The following ANKRD27 variants were observed in gnomAD, a reference collection of about 807,000 sequenced individuals.
ANKRD27 encodes ankyrin repeat domain-containing protein 27.
A neutral mutation model predicts 129.7 loss-of-function variants in ANKRD27; 112 were observed. The ratio of observed to expected loss-of-function variants is 0.86; its 90% CI spans 0.74 to 1.01. The LOEUF (loss-of-function observed/expected upper bound fraction) is 1.01. Among genes scored for constraint, ANKRD27 ranks in the 50% least tolerant of loss-of-function variants. The probability of loss-of-function intolerance (pLI) is 0.00; values close to 1 mark genes in which losing one functional copy is unlikely to be tolerated. For missense variants in ANKRD27, 1,258 were observed against 1,300.5 expected, an observed-to-expected ratio of 0.97 and a Z score of 0.50; for synonymous variants, 516 against 511.2, an observed-to-expected ratio of 1.01 and a Z score of -0.13.
At chr19:32,630,101 T>C (rs372184957) in intron 13 of ANKRD27, among the ~76,000 whole-genome samples, 11 of 152,192 alleles carry the variant, frequency 7.2e-5, no homozygotes, top group African/African-American at 2.6e-4. Context: ...TTATTATTTT[T>C]ATACTTGCTA....
intron 17 of ANKRD27, among the ~76,000 whole-genome samples, chr19:32,624,231 G>C (rs775031027): frequency 1.3e-5 from 2 of 152,132 alleles, no homozygotes; most frequent in Non-Finnish European, 1.5e-5. Context: ...GCTGGATGTG[G>C]TGGTATGTGT....
At chr19:32,639,606 C>A in intron 11 of ANKRD27, 118 bp from the exon 12 acceptor site, 2 of 1,024,340 alleles carry the variant, frequency 2.0e-6, no homozygotes, top group Non-Finnish European at 2.9e-6. Context: ...GCTCAGGAAG[C>A]TACGACCACC....
chr19:32,667,425 G>A lies in ANKRD27; in HGVS notation c.-31+7646C>T, dbSNP rs534773826. Among the ~76,000 whole-genome samples the A allele has an allele frequency of 2.0e-5, 3 of 152,094 alleles. No individual in the cohort carries two copies. In the East Asian group the frequency reaches 5.8e-4, roughly 29 times the overall value. On this transcript the variant is annotated intron_variant, in intron 1 of 28. Coordinates refer to ENST00000306065, the MANE Select transcript of ANKRD27 (RefSeq NM_032139.3). Reference sequence around the variant, plus strand: ...ATGGAGTCTCGCTGTGTTGCCCAGGGTGGTCTTGAACTCCTGGCTCAACAG... The same window carrying A: ...ATGGAGTCTCGCTGTGTTGCCCAGGATGGTCTTGAACTCCTGGCTCAACAG...
At chr19:32,619,214 G>A (rs543067200) in intron 20 of ANKRD27, 46 bp downstream of exon 20, 2 of 1,587,712 alleles carry the variant, frequency 1.3e-6, no homozygotes, top group Middle Eastern at 2.2e-4. Context: ...CACTGCCCAG[G>A]GCCGCCAAGG....
At chr19:32,654,716 G>C (rs1280859528) in intron 2 of ANKRD27, among the ~76,000 whole-genome samples, 1 of 152,068 alleles carries the variant, frequency 6.6e-6, no homozygotes, top group African/African-American at 2.4e-5. Flanking sequence ...CTGGAGTGCA[G>C]TGGCTATTTA....
chr19:32,658,398 C>T (rs1304234989), intron 2 of ANKRD27, among the ~76,000 whole-genome samples: 2 of 151,780 alleles, frequency 1.3e-5, no homozygotes, highest in South Asian at 2.1e-4. Context: ...CCTGGCTGCC[C>T]CTGAAGGCTT....
At chr19:32,610,599 A>C (rs8105575) in intron 22 of ANKRD27, among the ~76,000 whole-genome samples, 88,154 of 151,110 alleles carry the variant, frequency 0.58, 26,797 homozygotes, top group Non-Finnish European at 0.69. Flanking sequence ...TGAGACCAGC[A>C]TGGCCAATAT....
At chr19:32,625,433 CTCTT>C (rs1382484514) in intron 17 of ANKRD27, among the ~76,000 whole-genome samples, 2 of 120,912 alleles carry the variant, frequency 1.7e-5, no homozygotes, top group Admixed American at 8.7e-5. Context: ...ATTAAACATT[CTCTT>C]TTTTTTTTTT....
At chr19:32,654,708 G>A (rs544709899) in intron 2 of ANKRD27, among the ~76,000 whole-genome samples, 56 of 152,264 alleles carry the variant, frequency 3.7e-4, no homozygotes, top group African/African-American at 1.3e-3. Flanking sequence ...TGCCCAGGCT[G>A]GAGTGCAGTG....
intron 22 of ANKRD27, among the ~76,000 whole-genome samples, chr19:32,611,094 T>C (rs560712721): frequency 2.6e-5 from 4 of 152,332 alleles, no homozygotes; most frequent in East Asian, 3.9e-4. Context: ...GTGTGTCTTT[T>C]TGAGAAATCA....
Position 32,643,693 on chromosome 19 carries a change from G to A in ANKRD27, c.526-62C>T, listed in dbSNP as rs374784021. On this transcript the variant is annotated intron_variant, in intron 5 of 28. Coordinates refer to ENST00000306065, the MANE Select transcript of ANKRD27 (RefSeq NM_032139.3). Reference sequence around the variant, plus strand: ...CCAGCAAGGCCATGACGGGGGAGCCGGAGCGGGTAAGGCGCACAGAGCTTC... The same window carrying A: ...CCAGCAAGGCCATGACGGGGGAGCCAGAGCGGGTAAGGCGCACAGAGCTTC... 99 of 1,567,278 alleles carry A rather than the reference G, an allele frequency of 6.3e-5. No homozygotes were observed. In the African/African-American group the frequency reaches 8.0e-4, roughly 13 times the overall value.
At chr19:32,638,757 C>G (rs1229090995) in intron 12 of ANKRD27, 1 of 154,918 alleles carries the variant, frequency 6.5e-6, no homozygotes, top group Non-Finnish European at 1.4e-5. Context: ...GGACCCTGTA[C>G]AAGCAACTTG....
chr19:32,615,154 C>T (rs1568399950), intron 22 of ANKRD27, among the ~76,000 whole-genome samples: 1 of 152,238 alleles, frequency 6.6e-6, no homozygotes, highest in Admixed American at 6.5e-5. Flanking sequence ...CATCTCTGCT[C>T]GCTTACCTGC....
intron 20 of ANKRD27, 33 bp from the exon 21 acceptor site, chr19:32,617,666 G>T: frequency 2.8e-6 from 2 of 709,388 alleles, no homozygotes; most frequent in South Asian, 1.6e-5. Context: ...TTAGAAAAAT[G>T]ATTTCAACAA....
At chr19:32,661,231 A>C (rs1294341278) in intron 1 of ANKRD27, among the ~76,000 whole-genome samples, 5 of 150,674 alleles carry the variant, frequency 3.3e-5, no homozygotes, top group African/African-American at 1.2e-4. Context: ...ACACACACAC[A>C]CACACACACA....
At chr19:32,648,962 G>C (rs1967357021) in intron 3 of ANKRD27, among the ~76,000 whole-genome samples, 1 of 128,814 alleles carries the variant, frequency 7.8e-6, no homozygotes. Flanking sequence ...ATTGTTTTTT[G>C]GGTTTGTTTT....
intron 1 of ANKRD27, 48 bp from the exon 2 acceptor site, chr19:32,659,093 G>A (rs972227861): frequency 1.2e-5 from 11 of 912,838 alleles, no homozygotes; most frequent in Non-Finnish European, 1.8e-5. Flanking sequence ...TCGAGTTTAC[G>A]TAACACATGA....
At chr19:32,643,507 T>A (rs754844534) in intron 6 of ANKRD27, 23 bp from the exon 7 acceptor site, 2 of 1,613,722 alleles carry the variant, frequency 1.2e-6, no homozygotes, top group South Asian at 2.2e-5. Flanking sequence ...AAAAGCACAG[T>A]GAAAGGGCTT....
intron 2 of ANKRD27, among the ~76,000 whole-genome samples, chr19:32,653,624 G>A (rs1055725716): frequency 6.6e-5 from 10 of 152,218 alleles, no homozygotes; most frequent in African/African-American, 2.4e-4. Context: ...CGCTTCCACT[G>A]TCCAATCAGA....
Sources: gnomAD v4.1 joint callset for allele counts (sites outside exome capture counted in the v4.1 genomes callset) on GRCh38, gnomAD v4.1.1 for gene constraint, MANE v1.5 for transcripts, NCBI Gene and HGNC (gene_info 2026-07-23, HGNC 2026-07-21) for gene names.